The following MYRFL variants were observed in gnomAD, a reference collection of about 807,000 sequenced individuals.
MYRFL encodes the protein myelin regulatory factor-like protein.
In MYRFL, 88 loss-of-function variants were observed where a neutral mutation model predicts 109.4. The ratio of observed to expected loss-of-function variants is 0.80; its 90% CI spans 0.68 to 0.96. The LOEUF is 0.96. Ranked by LOEUF, MYRFL falls within the 40% of genes least tolerant of loss-of-function variation. The pLI, the probability that MYRFL is intolerant of heterozygous loss-of-function variation, is 0.00. For missense variants in MYRFL, 957 were observed against 954.9 expected (o/e 1.00, Z -0.03); for synonymous variants, 324 against 320.9 (o/e 1.01, Z -0.10).
At chr12:69,894,948 A>G (rs1953938378) in intron 8 of MYRFL, among the ~76,000 whole-genome samples, 1 of 152,238 alleles carries the variant, frequency 6.6e-6, no homozygotes, top group African/African-American at 2.4e-5. Flanking sequence ...TCCCACTGCT[A>G]GGCTAAGAGA....
At chr12:69,927,640 TG>T in intron 14 of MYRFL, 44 bp from the exon 15 acceptor site, 1 of 1,414,650 alleles carries the variant, frequency 7.1e-7, no homozygotes, top group Non-Finnish European at 9.6e-7. Flanking sequence ...ATGTATCTCC[TG>T]GAGAGGTATT....
intron 19 of MYRFL, among the ~76,000 whole-genome samples, chr12:69,940,109 C>A (rs12306231): frequency 0.034 from 5,192 of 151,750 alleles, 310 homozygotes; most frequent in African/African-American, 0.12. Context: ...GAGAATGGAA[C>A]CAAGTTGGAA....
At chr12:69,826,869 C>T (rs1401797599) in intron 1 of MYRFL, among the ~76,000 whole-genome samples, 1 of 152,070 alleles carries the variant, frequency 6.6e-6, no homozygotes, top group Non-Finnish European at 1.5e-5. Context: ...ATATTGAGCG[C>T]CTACTCTGAG....
At position 69,871,764 on chromosome 12, in the gene MYRFL, AT is replaced by A. The variant is rs368615573; in HGVS notation, c.138-7255del. 4.4e-3 allele frequency among the ~76,000 whole-genome samples: 650 copies of A among 149,400 alleles called. 5 individuals carry two copies. The highest frequency in any genetic ancestry group is 0.015 in the African/African-American group (613 of 40,518). ...TCATGATGTGTCACATATAATTTTC[AT>A]TTTTTTTTGCTTTGTTTGAATCATT... On this transcript the variant is annotated intron_variant, in intron 2 of 24. Transcript: ENST00000552032.
intron 5 of MYRFL, among the ~76,000 whole-genome samples, chr12:69,880,951 G>GTTTTTTTTTTTGT (rs1886050932): frequency 8.9e-6 from 1 of 112,626 alleles, no homozygotes; most frequent in Non-Finnish European, 1.8e-5. Context: ...CAGCCTTCCT[G>GTTTTTTTTTTTGT]TTTTTTTTTT....
Position 69,880,291 on chromosome 12 carries a change from G to T in MYRFL, c.555G>T (p.Pro185=). The T allele has an allele frequency of 1.4e-6, 1 of 702,534 alleles. No individual in the cohort carries two copies. Among genetic ancestry groups the T allele is most frequent in the South Asian group, 1.5e-5 (1 of 67,498 alleles). 43.5% of individuals were successfully genotyped at this position (702,534 alleles called of 1,614,324 possible). A position where few individuals can be genotyped will look rare whatever the true frequency, so the allele number is the denominator to read the frequency against. The change falls in exon 5 of 25, where the codon CCG becomes CCT. Residue 185 remains proline, a splice_region_variant and synonymous_variant. Coordinates refer to ENST00000552032, the MANE Select transcript of MYRFL (RefSeq NM_182530.3). ...GAGTGTGGGCCTGCCACTGCAGACCGAGTGAGCAAACCTGGGTGGGAACAA... is the reference window on the plus strand; with the variant it reads ...GAGTGTGGGCCTGCCACTGCAGACCTAGTGAGCAAACCTGGGTGGGAACAA... The part of the protein sequence containing the change: ...ECRVWACHCR[P]MTSRSRSSEV...
chr12:69,910,129 T>C, intron 12 of MYRFL, 52 bp downstream of exon 12: 6 of 1,194,052 alleles, frequency 5.0e-6, no homozygotes, highest in Non-Finnish European at 6.9e-6. Flanking sequence ...ATTAAAATTT[T>C]AATTACCTCT....
intron 1 of MYRFL, among the ~76,000 whole-genome samples, chr12:69,833,545 G>A (rs1171711830): frequency 2.6e-5 from 4 of 152,162 alleles, no homozygotes; most frequent in Non-Finnish European, 4.4e-5. Context: ...GTTGGATATT[G>A]TACTAAGACT....
chr12:69,851,751 C>T (rs749089553), intron 1 of MYRFL, among the ~76,000 whole-genome samples: 9 of 152,172 alleles, frequency 5.9e-5, no homozygotes, highest in East Asian at 3.9e-4. Context: ...CTCAACCTCC[C>T]GGGCTCAGAA....
chr12:69,857,381 T>C (rs1459616544), intron 2 of MYRFL, among the ~76,000 whole-genome samples: 3 of 151,900 alleles, frequency 2.0e-5, no homozygotes. Context: ...TCTAGTTTCT[T>C]TGACTTCCCA....
In MYRFL at chr12:69,951,616, C is replaced by T. The variant is rs1352338106; in HGVS notation, c.2225-497C>T. On this transcript the variant is annotated intron_variant, in intron 19 of 24. Transcript: ENST00000552032. ...CTAATTTTATATTTTTTAGTAGAGACAGGGTTTCACCATGTTGGCCAGGCT... is the reference window on the plus strand; with the variant it reads ...CTAATTTTATATTTTTTAGTAGAGATAGGGTTTCACCATGTTGGCCAGGCT... 2.6e-5 allele frequency among the ~76,000 whole-genome samples: 4 copies of T among 151,988 alleles called. No homozygotes were observed. The East Asian group carries it at 7.8e-4, about 30-fold the overall frequency.
chr12:69,836,261 C>G (rs938655216), intron 1 of MYRFL, among the ~76,000 whole-genome samples: 7 of 152,292 alleles, frequency 4.6e-5, no homozygotes, highest in African/African-American at 1.7e-4. Context: ...TCCTCTTGCC[C>G]TCCAGCTGCT....
chr12:69,861,200 A>C (rs923716836), intron 2 of MYRFL, among the ~76,000 whole-genome samples: 1 of 151,888 alleles, frequency 6.6e-6, no homozygotes, highest in Admixed American at 6.6e-5. Flanking sequence ...TAGTGCCGCA[A>C]TAAACATACA....
At chr12:69,904,114 A>T (rs1488574045) in intron 11 of MYRFL, 1 of 361,258 alleles carries the variant, frequency 2.8e-6, no homozygotes, top group Non-Finnish European at 5.0e-6. Context: ...AGTCTCAGTT[A>T]TTTTCCACAG....
intron 5 of MYRFL, among the ~76,000 whole-genome samples, chr12:69,882,062 G>A (rs1279688788): frequency 1.3e-5 from 2 of 152,194 alleles, no homozygotes; most frequent in Non-Finnish European, 2.9e-5. Context: ...GGCCATCCCA[G>A]AGTTAAGCTC....
chr12:69,883,858 G>A (rs1349754869), intron 5 of MYRFL, among the ~76,000 whole-genome samples: 1 of 151,962 alleles, frequency 6.6e-6, no homozygotes, highest in Non-Finnish European at 1.5e-5. Flanking sequence ...CCTGTGTGAC[G>A]GAGCAAGACC....
intron 19 of MYRFL, among the ~76,000 whole-genome samples, chr12:69,942,640 C>T (rs1240131304): frequency 6.6e-6 from 1 of 150,948 alleles, no homozygotes; most frequent in African/African-American, 2.4e-5. Flanking sequence ...CAGGGATGCC[C>T]TCTCTCACCA....
chr12:69,848,506 A>G (rs1218391915), intron 1 of MYRFL, among the ~76,000 whole-genome samples: 1 of 152,036 alleles, frequency 6.6e-6, no homozygotes, highest in East Asian at 1.9e-4. Context: ...TTATATTCCT[A>G]TTATAAATGG....
intron 2 of MYRFL, among the ~76,000 whole-genome samples, chr12:69,869,462 A>C (rs1322648880): frequency 1.5e-4 from 23 of 152,188 alleles, no homozygotes; most frequent in Non-Finnish European, 1.5e-5. Context: ...GAAGACAAAT[A>C]AGAGTAAGGC....
Sources: gnomAD v4.1 joint callset for allele counts (sites outside exome capture counted in the v4.1 genomes callset) on GRCh38, gnomAD v4.1.1 for gene constraint, MANE v1.5 for transcripts, NCBI Gene and HGNC (gene_info 2026-07-23, HGNC 2026-07-21) for gene names.